The following MLC1 variants were observed in gnomAD, a reference collection of about 807,000 sequenced individuals.
MLC1 encodes membrane protein MLC1.
Under a neutral mutation model 44.7 loss-of-function variants are expected in MLC1, and 32 were observed. The ratio of observed to expected loss-of-function variants is 0.72; its 90% CI spans 0.54 to 0.96. The LOEUF is 0.96. MLC1 is among the 40% of genes least tolerant of loss of function. The probability of loss-of-function intolerance (pLI) is 0.00; values close to 1 mark genes in which losing one functional copy is unlikely to be tolerated. For synonymous variants in MLC1, 190 were observed against 213.0 expected, an observed-to-expected ratio of 0.89 and a Z score of 0.94; for missense variants, 459 against 492.2, an observed-to-expected ratio of 0.93 and a Z score of 0.64.
intron 9 of MLC1, among the ~76,000 whole-genome samples, chr22:50,069,999 C>T (rs5771352): frequency 2.6e-5 from 4 of 152,076 alleles, no homozygotes; most frequent in South Asian, 2.1e-4. Context: ...GTCAGGAGTT[C>T]GAGACCAGCC....
Position 50,074,216 on chromosome 22 carries a change from G to C in MLC1, c.714C>G (p.Ala238=). ...CGGGCGGGCCAGAGGGGTTACTCAC[G>C]GCCACTAGGATCCAAAAGAACGTCA... ...LSVTFFWILV[A]CFPSAIASHV... Residue 238 remains alanine (A), a splice_region_variant and synonymous_variant, in exon 8 of 12, where the codon GCC becomes GCG. Transcript: ENST00000311597. The C allele has an allele frequency of 6.2e-7, 1 of 1,611,922 alleles. No individual in the cohort carries two copies. Among genetic ancestry groups the C allele is most frequent in the Non-Finnish European group, 8.5e-7 (1 of 1,179,108 alleles).
intron 5 of MLC1, among the ~76,000 whole-genome samples, chr22:50,078,287 G>A (rs970549280): frequency 7.9e-5 from 12 of 151,604 alleles, no homozygotes; most frequent in African/African-American, 1.5e-4. Context: ...CACCGCGCCC[G>A]GCCTGACAAT....
At chr22:50,079,289 CAA>C (rs1007859769) in intron 5 of MLC1, among the ~76,000 whole-genome samples, 12 of 151,434 alleles carry the variant, frequency 7.9e-5, no homozygotes, top group African/African-American at 2.7e-4. Flanking sequence ...TTCTCAAAAA[CAA>C]AACAAAACAA....
chr22:50,084,711 T>G lies in MLC1; in HGVS notation c.177+15A>C. On this transcript the variant is annotated intron_variant, in intron 2 of 11. Coordinates refer to ENST00000311597, the MANE Select transcript of MLC1 (RefSeq NM_015166.4). ...TGCTCGTGGCCCTCCAAGGGCTTAGTGTGGAGCTACTCACCCCCATCAGCA... is the reference window on the plus strand; with the variant it reads ...TGCTCGTGGCCCTCCAAGGGCTTAGGGTGGAGCTACTCACCCCCATCAGCA... 1.2e-6 allele frequency: 2 copies of G among 1,613,306 alleles called. No individual in the cohort carries two copies. Among genetic ancestry groups the G allele is most frequent in the Non-Finnish European group, 1.7e-6 (2 of 1,179,554 alleles).
At chr22:50,064,268 G>C (rs1000595034) in intron 10 of MLC1, 70 bp from the exon 11 acceptor site, 1 of 1,530,194 alleles carries the variant, frequency 6.5e-7, no homozygotes, top group Non-Finnish European at 8.8e-7. Context: ...AAGCTCCCTC[G>C]TGCCCACGGC....
intron 10 of MLC1, among the ~76,000 whole-genome samples, chr22:50,067,476 C>G (rs2061731254): frequency 2.4e-5 from 3 of 125,730 alleles, no homozygotes; most frequent in East Asian, 2.5e-4. Flanking sequence ...CTCCATCCCC[C>G]CATCAGGCAG....
chr22:50,068,682 G>A, intron 9 of MLC1, 127 bp from the exon 10 acceptor site: 3 of 1,035,094 alleles, frequency 2.9e-6, no homozygotes, highest in Non-Finnish European at 4.4e-6. Context: ...CTGGTTCCCT[G>A]CATGACTCCT....
chr22:50,080,527 C>T (rs1014712725), intron 3 of MLC1, 130 bp from the exon 4 acceptor site: 2 of 1,029,490 alleles, frequency 1.9e-6, no homozygotes, highest in Non-Finnish European at 1.5e-6. Context: ...GTCCATGCAA[C>T]ACAGTGGGTT....
intron 10 of MLC1, among the ~76,000 whole-genome samples, chr22:50,066,552 C>T (rs976933815): frequency 9.2e-5 from 14 of 152,024 alleles, no homozygotes; most frequent in African/African-American, 2.9e-4. Context: ...CCCAGATGCT[C>T]CGGAGGCTGA....
rs561906526 is a variant in MLC1, at chr22:50,080,311, C to T, written c.321+33G>A. ...TGTCTGTCAGCCCCTCCGGCTTTCT[C>T]CCTGGCAGAGGCTGCCTGCAAGCTA... is the stretch of plus-strand genomic sequence containing the variant. On this transcript the variant is annotated intron_variant, in intron 4 of 11. Coordinates refer to ENST00000311597, the MANE Select transcript of MLC1 (RefSeq NM_015166.4). 3.1e-6 allele frequency: 5 copies of T among 1,593,846 alleles called. No homozygotes were observed. The South Asian group carries it at 4.5e-5, about 15-fold the overall frequency.
intron 11 of MLC1, 58 bp from the exon 12 acceptor site, chr22:50,061,715 T>C: frequency 6.7e-7 from 1 of 1,491,810 alleles, no homozygotes; most frequent in Non-Finnish European, 9.3e-7. Flanking sequence ...GGCGGGAAGG[T>C]GGACACGCCA....
rs972963053 is a variant in MLC1, at chr22:50,083,035, C to A, written c.267+49G>T. 4 of 1,547,726 alleles carry A rather than the reference C, an allele frequency of 2.6e-6. No individual in the cohort carries two copies. Among genetic ancestry groups the A allele is most frequent in the Non-Finnish European group, 3.6e-6 (4 of 1,120,422 alleles). On this transcript the variant is annotated intron_variant, in intron 3 of 11. Coordinates refer to ENST00000311597, the MANE Select transcript of MLC1 (RefSeq NM_015166.4). The surrounding 1 kb of genome is among the most constrained non-coding windows in gnomAD (Gnocchi z 4.6). ...ATCTCAGAACAAAGAAACCAGAGCA[C>A]GTGCCGGCGAGCTTGGGCACTGGCA...
At chr22:50,074,803 C>A (rs1052790875) in intron 7 of MLC1, 30 of 212,780 alleles carry the variant, frequency 1.4e-4, no homozygotes, top group Non-Finnish European at 2.5e-4. Context: ...CACTGGACGT[C>A]ACCACCCCTT....
rs2146938312 is a variant in MLC1, at chr22:50,083,848, G to C, written c.178-675C>G. Reference sequence around the variant, plus strand: ...TCTGGGGCAGAGGGGATCTGGCCTGGGCGGGGGAGGGGCTGCGACCAAGTC... The same window carrying C: ...TCTGGGGCAGAGGGGATCTGGCCTGCGCGGGGGAGGGGCTGCGACCAAGTC... On this transcript the variant is annotated intron_variant, in intron 2 of 11. Transcript: ENST00000311597. The surrounding 1 kb of genome is among the most constrained non-coding windows in gnomAD (Gnocchi z 4.6). 6.6e-6 allele frequency among the ~76,000 whole-genome samples: 1 copy of C among 152,278 alleles called. No homozygotes were observed. Among genetic ancestry groups the C allele is most frequent in the East Asian group, 1.9e-4 (1 of 5,168 alleles).
At chr22:50,079,803 C>T (rs765137081) in intron 5 of MLC1, 115 bp downstream of exon 5, 18 of 826,320 alleles carry the variant, frequency 2.2e-5, no homozygotes, top group Middle Eastern at 2.4e-4. Context: ...GTCAAACTCA[C>T]GAGCTGTGAA....
intron 10 of MLC1, among the ~76,000 whole-genome samples, chr22:50,064,576 G>A (rs757747833): frequency 6.6e-6 from 1 of 152,150 alleles, no homozygotes; most frequent in Admixed American, 6.6e-5. Flanking sequence ...TGACCGTTCC[G>A]TGTCAGCAGG....
intron 7 of MLC1, 96 bp from the exon 8 acceptor site, chr22:50,074,428 T>G: frequency 9.0e-7 from 1 of 1,113,756 alleles, no homozygotes; most frequent in Non-Finnish European, 1.4e-6. Flanking sequence ...AGGAGCAGGG[T>G]CCAGTGGGCT....
At chr22:50,063,565 T>C (rs1293760046) in intron 11 of MLC1, among the ~76,000 whole-genome samples, 1 of 151,798 alleles carries the variant, frequency 6.6e-6, no homozygotes, top group Non-Finnish European at 1.5e-5. Flanking sequence ...CAATGAATCT[T>C]CGAGGGCCAC....
chr22:50,079,215 T>A (rs1052138356), intron 5 of MLC1, among the ~76,000 whole-genome samples: 4 of 150,710 alleles, frequency 2.7e-5, no homozygotes, highest in African/African-American at 9.8e-5. Context: ...ACCCGGGAGG[T>A]AGAGGTTGCA....
Sources: gnomAD v4.1 joint callset for allele counts (sites outside exome capture counted in the v4.1 genomes callset) on GRCh38, gnomAD v4.1.1 for gene constraint, Gnocchi (gnomAD v3.1) non-coding constraint, MANE v1.5 for transcripts, NCBI Gene and HGNC (gene_info 2026-07-23, HGNC 2026-07-21) for gene names.